Variants in SZRD1 observed in about 807,000 individuals in gnomAD.
SZRD1 encodes SUZ RNA-binding domain-containing.
SZRD1 carries 7 observed loss-of-function variants against 17.6 expected under a neutral mutation model. The ratio of observed to expected loss-of-function variants is 0.40; its 90% CI spans 0.23 to 0.75. SZRD1 has a LOEUF of 0.75. Among genes scored for constraint, SZRD1 ranks in the 30% least tolerant of loss-of-function variants. SZRD1 has a pLI of 0.38. For synonymous variants in SZRD1, 77 were observed against 77.9 expected (o/e 0.99, Z 0.06); for missense variants, 178 against 201.8 (o/e 0.88, Z 0.71).
intron 1 of SZRD1, among the ~76,000 whole-genome samples, chr1:16,388,873 C>T (rs938226239): frequency 2.6e-5 from 4 of 151,488 alleles, no homozygotes; most frequent in African/African-American, 9.7e-5. Context: ...GTCACAAACT[C>T]CTGACCCCAA....
At position 16,391,344 on chromosome 1, in the gene SZRD1, T is replaced by C. The variant is rs2085218710; in HGVS notation, c.52-31T>C. 2 of 1,470,882 alleles carry C rather than the reference T, an allele frequency of 1.4e-6. No homozygotes were observed. The highest frequency in any genetic ancestry group is 1.9e-6 in the Non-Finnish European group (2 of 1,077,638). 91.1% of individuals were successfully genotyped at this position (1,470,882 alleles called of 1,614,324 possible). On this transcript the variant is annotated intron_variant, in intron 1 of 3. Coordinates refer to ENST00000401088, the MANE Select transcript of SZRD1 (RefSeq NM_001114600.3). This position sits in a 1 kb window ranked among gnomAD's most constrained non-coding sequence, Gnocchi z 4.3. ...AAGTTTTTATTTGAGAGAGATTTTT[T>C]CCTCTTTTTATATACATTTTTTTCC...
At chr1:16,375,112 G>A (rs1347323597) in intron 1 of SZRD1, among the ~76,000 whole-genome samples, 2 of 152,066 alleles carry the variant, frequency 1.3e-5, no homozygotes, top group African/African-American at 2.4e-5. Flanking sequence ...TCGTGACCTC[G>A]TGATCCGCCC....
In SZRD1 at chr1:16,397,857, G is replaced by C. The variant is rs2085338963; in HGVS notation, c.*2717G>C. 5 of 323,522 alleles carry C rather than the reference G, an allele frequency of 1.5e-5. No homozygotes were observed. Among genetic ancestry groups the C allele is most frequent in the African/African-American group, 2.2e-5 (1 of 44,628 alleles). 20.0% of individuals were successfully genotyped at this position (323,522 alleles called of 1,614,324 possible). On this transcript the variant is annotated 3_prime_UTR_variant, in exon 4 of 4. Coordinates refer to ENST00000401088, the MANE Select transcript of SZRD1 (RefSeq NM_001114600.3). This position sits in a 1 kb window ranked among gnomAD's most constrained non-coding sequence, Gnocchi z 5.4. ...ACCCTGCTCTGCCCCATCTGGGGGT[G>C]CCCTGCTCAGGGATGGGCTGGCAGG...
At chr1:16,375,278 T>G (rs969378558) in intron 1 of SZRD1, among the ~76,000 whole-genome samples, 1 of 152,090 alleles carries the variant, frequency 6.6e-6, no homozygotes, top group African/African-American at 2.4e-5. Context: ...CCACAGAAAT[T>G]AGCAACAAAC....
chr1:16,377,010 C>T (rs975432451), intron 1 of SZRD1, among the ~76,000 whole-genome samples: 16 of 152,020 alleles, frequency 1.1e-4, no homozygotes, highest in Admixed American at 5.9e-4. Context: ...ATGCCTTTAC[C>T]GGCTGTTGGC....
intron 1 of SZRD1, among the ~76,000 whole-genome samples, chr1:16,370,538 A>AT (rs2082897024): frequency 2.3e-5 from 3 of 131,084 alleles, no homozygotes; most frequent in East Asian, 2.2e-4. Flanking sequence ...TTTTTTTTTT[A>AT]ATTTTTTTTT....
In SZRD1 at chr1:16,370,361, G is replaced by A. The variant is rs529998463; in HGVS notation, c.51+3053G>A. ...GTGCCTCAGCCTCCCGAGTAGCTGGGATTACAAGGCGCATGCTACCACGCC... is the reference window on the plus strand; with the variant it reads ...GTGCCTCAGCCTCCCGAGTAGCTGGAATTACAAGGCGCATGCTACCACGCC... On this transcript the variant is annotated intron_variant, in intron 1 of 3. Transcript: ENST00000401088. Among the ~76,000 whole-genome samples, 74 of 151,804 alleles carry A rather than the reference G, an allele frequency of 4.9e-4. No homozygotes were observed. The South Asian group carries it at 5.4e-3, about 11-fold the overall frequency.
chr1:16,383,226 T>TC (rs1215849859), intron 1 of SZRD1, among the ~76,000 whole-genome samples: 2 of 151,782 alleles, frequency 1.3e-5, no homozygotes, highest in East Asian at 3.9e-4. Flanking sequence ...CTTTTTTTTT[T>TC]CTTTTCTTTC....
chr1:16,392,021 A>AGG (rs1236348412), intron 2 of SZRD1, among the ~76,000 whole-genome samples: 2 of 152,092 alleles, frequency 1.3e-5, no homozygotes, highest in African/African-American at 4.8e-5. Context: ...AGGGACAGGA[A>AGG]GGAGGATAGG....
At chr1:16,386,187 G>A (rs1355492741) in intron 1 of SZRD1, among the ~76,000 whole-genome samples, 1 of 152,206 alleles carries the variant, frequency 6.6e-6, no homozygotes, top group East Asian at 1.9e-4. Flanking sequence ...CACTTTCCTG[G>A]CCACCGCCCT....
At chr1:16,394,020 AAATTCCTTTTTACTCTTAACATTTTTTT>A (rs2100753151) in intron 3 of SZRD1, among the ~76,000 whole-genome samples, 1 of 152,232 alleles carries the variant, frequency 6.6e-6, no homozygotes, top group Non-Finnish European at 1.5e-5. Flanking sequence ...TGAATTTTCT[AAATTCCTTTTTACTCTTAACATTTTTTT>A]CTCTGCAGTA....
chr1:16,380,680 C>G (rs2100718435), intron 1 of SZRD1, among the ~76,000 whole-genome samples: 1 of 152,304 alleles, frequency 6.6e-6, no homozygotes, highest in African/African-American at 2.4e-5. Context: ...GTTGGTCAGG[C>G]TGGTCTCAAA....
chr1:16,392,677 A>C (rs1233939001), intron 2 of SZRD1, among the ~76,000 whole-genome samples: 1 of 151,998 alleles, frequency 6.6e-6, no homozygotes, highest in Non-Finnish European at 1.5e-5. Context: ...GGCACAGGTC[A>C]CTCTCACTAG....
chr1:16,389,303 C>T (rs1221973664), intron 1 of SZRD1, among the ~76,000 whole-genome samples: 16 of 150,502 alleles, frequency 1.1e-4, no homozygotes, highest in East Asian at 9.8e-4. Flanking sequence ...CTTGCTCTGT[C>T]GCCCAGGCTG....
Position 16,393,131 on chromosome 1 carries a change from G to C in SZRD1, c.102-97G>C. 1 of 1,477,406 alleles carries C rather than the reference G, an allele frequency of 6.8e-7. No individual in the cohort carries two copies. Among genetic ancestry groups the C allele is most frequent in the Non-Finnish European group, 9.3e-7 (1 of 1,075,228 alleles). The allele number at this position is 1,477,406 out of a possible 1,614,324, so 91.5% of individuals were successfully genotyped here. On this transcript the variant is annotated intron_variant, in intron 2 of 3. Coordinates refer to ENST00000401088, the MANE Select transcript of SZRD1 (RefSeq NM_001114600.3). This position sits in a 1 kb window ranked among gnomAD's most constrained non-coding sequence, Gnocchi z 5.6. Reference sequence around the variant, plus strand: ...GAGAATCATGCATGGGTAGAATTAGGGAGGGAGAGGAAAGTGATGAGAGGT... The same window carrying C: ...GAGAATCATGCATGGGTAGAATTAGCGAGGGAGAGGAAAGTGATGAGAGGT...
chr1:16,371,476 T>TC (rs1228514356), intron 1 of SZRD1, among the ~76,000 whole-genome samples: 13 of 141,704 alleles, frequency 9.2e-5, no homozygotes, highest in African/African-American at 2.1e-4. Context: ...TTTTTTTTTT[T>TC]CCCGAGATGG....
chr1:16,374,901 G>T (rs1557622656), intron 1 of SZRD1, among the ~76,000 whole-genome samples: 1 of 152,008 alleles, frequency 6.6e-6, no homozygotes, highest in African/African-American at 2.4e-5. Flanking sequence ...TTTTTGAGAC[G>T]GAGTCTAGCT....
rs1199886807 is a variant in SZRD1 at position 16,391,390 on chromosome 1, T to G, written c.67T>G (p.Leu23Val). ...AADSGEIDRRLEKKLKITQKE... is the reference protein window; with the variant it reads ...AADSGEIDRRVEKKLKITQKE... ...TTTCCTCTAGGAAATAGACAGACGG[T>G]TGGAAAAAAAACTGAAGATCACACA... is the stretch of plus-strand genomic sequence containing the variant. The change falls in exon 2 of 4, where the codon TTG becomes GTG. Residue 23 changes from leucine to valine, a missense_variant. Physicochemically the swap from Leu to Val is conservative, Grantham distance 32. Transcript: ENST00000401088. The surrounding 1 kb of genome is among the most constrained non-coding windows in gnomAD (Gnocchi z 4.3). The G allele has an allele frequency of 6.5e-7, 1 of 1,548,796 alleles. No homozygotes were observed. The highest frequency in any genetic ancestry group is 2.0e-5 in the Admixed American group (1 of 50,974).
At chr1:16,387,133 T>A in intron 1 of SZRD1, 1 of 360,426 alleles carries the variant, frequency 2.8e-6, no homozygotes, top group South Asian at 2.1e-5. Flanking sequence ...AAGGTATTAT[T>A]TTAAAAGCTA....
Sources: gnomAD v4.1 joint callset for allele counts (sites outside exome capture counted in the v4.1 genomes callset) on GRCh38, gnomAD v4.1.1 for gene constraint, Gnocchi (gnomAD v3.1) non-coding constraint, MANE v1.5 for transcripts, NCBI Gene and HGNC (gene_info 2026-07-23, HGNC 2026-07-21) for gene names.